Variants in IRAG1 observed in about 807,000 individuals in gnomAD.
IRAG1 encodes the protein IP3R-associated cGMP kinase substrate.
In IRAG1, 62 loss-of-function variants were observed where a neutral mutation model predicts 106.2. The observed-to-expected ratio is 0.58, with a 90% CI of 0.48 to 0.72. The LOEUF (loss-of-function observed/expected upper bound fraction) is 0.72. Among genes scored for constraint, IRAG1 ranks in the 30% least tolerant of loss-of-function variants. IRAG1 has a pLI of 0.00. For synonymous variants in IRAG1, 462 were observed against 443.9 expected (o/e 1.04, Z -0.51); for missense variants, 1,064 against 1,140.7 (o/e 0.93, Z 0.97).
chr11:10,595,339 T>C (rs1245326685), intron 15 of IRAG1, among the ~76,000 whole-genome samples: 2 of 152,212 alleles, frequency 1.3e-5, no homozygotes, highest in Admixed American at 1.3e-4. Context: ...TTATATTTTC[T>C]ATTTATTTTG....
chr11:10,594,246 C>T, intron 15 of IRAG1, 51 bp from the exon 16 acceptor site: 1 of 1,545,240 alleles, frequency 6.5e-7, no homozygotes, highest in Non-Finnish European at 8.8e-7. Flanking sequence ...TCAGGCTAGG[C>T]ACCAGCAGGA....
intron 1 of IRAG1, among the ~76,000 whole-genome samples, chr11:10,656,350 C>T (rs1024243433): frequency 6.6e-6 from 1 of 152,186 alleles, no homozygotes; most frequent in African/African-American, 2.4e-5. Context: ...CTAACTAGAA[C>T]CTGGCCCATT....
chr11:10,617,945 G>A (rs2134476892), intron 10 of IRAG1, among the ~76,000 whole-genome samples: 1 of 152,328 alleles, frequency 6.6e-6, no homozygotes, highest in South Asian at 2.1e-4. Flanking sequence ...CTGTCCAGAA[G>A]AATTATTCTA....
chr11:10,678,577 C>T (rs969928636), intron 1 of IRAG1, among the ~76,000 whole-genome samples: 5 of 152,186 alleles, frequency 3.3e-5, no homozygotes, highest in African/African-American at 9.7e-5. Flanking sequence ...CTGAGACTGA[C>T]CCCAGCCCAG....
At chr11:10,691,794 C>T (rs1484498600) in intron 1 of IRAG1, among the ~76,000 whole-genome samples, 1 of 152,106 alleles carries the variant, frequency 6.6e-6, no homozygotes, top group Non-Finnish European at 1.5e-5. Context: ...TGCACTCTGA[C>T]ATGGGGTCCC....
chr11:10,633,370 C>A (rs1037908421), intron 3 of IRAG1, among the ~76,000 whole-genome samples: 3 of 152,170 alleles, frequency 2.0e-5, no homozygotes, highest in East Asian at 1.9e-4. Context: ...CCACTGCGCC[C>A]GGCCGAGAAT....
At chr11:10,629,206 C>T (rs536298596) in intron 5 of IRAG1, among the ~76,000 whole-genome samples, 58 of 152,318 alleles carry the variant, frequency 3.8e-4, no homozygotes, top group Non-Finnish European at 6.6e-4. Context: ...CCTAAGTACA[C>T]TTACACACTT....
chr11:10,601,367 A>T (rs538553303), intron 14 of IRAG1, among the ~76,000 whole-genome samples: 163 of 152,322 alleles, frequency 1.1e-3, no homozygotes, highest in Non-Finnish European at 1.9e-3. Flanking sequence ...GTAGGATGTG[A>T]GCAGCATCTG....
intron 1 of IRAG1, among the ~76,000 whole-genome samples, chr11:10,682,812 C>T (rs1277320728): frequency 1.3e-5 from 2 of 152,102 alleles, no homozygotes; most frequent in Non-Finnish European, 2.9e-5. Context: ...TAGTAAGAAC[C>T]CCTATATATG....
chr11:10,682,945 C>A (rs916145133), intron 1 of IRAG1, among the ~76,000 whole-genome samples: 1 of 152,166 alleles, frequency 6.6e-6, no homozygotes, highest in African/African-American at 2.4e-5. Flanking sequence ...AGACCAGGAG[C>A]TTCTGGAACC....
At chr11:10,603,314 CCCCAACCTTT>C in intron 13 of IRAG1, 63 bp from the exon 14 acceptor site, 1 of 1,575,532 alleles carries the variant, frequency 6.3e-7, no homozygotes, top group Non-Finnish European at 8.7e-7. Context: ...AATCAGCAGT[CCCCAACCTTT>C]TCGGCCTCAG....
chr11:10,636,795 C>A (rs1400043303), intron 2 of IRAG1, among the ~76,000 whole-genome samples: 3 of 152,168 alleles, frequency 2.0e-5, no homozygotes, highest in Non-Finnish European at 2.9e-5. Flanking sequence ...TGAGCTAGGT[C>A]TTGAAGGATG....
intron 2 of IRAG1, among the ~76,000 whole-genome samples, chr11:10,634,564 T>TA (rs1296408762): frequency 6.6e-6 from 1 of 152,160 alleles, no homozygotes; most frequent in Admixed American, 6.5e-5. Context: ...CCACCCCCAG[T>TA]CACTGGCAAC....
chr11:10,652,088 G>A lies in IRAG1; in HGVS notation c.162C>T (p.Pro54=). ...GGGGCTCCTCGTCCTCGGGAATGTG[G>A]GGCATGGCAGCCTCCTGCTGGGAGT... ...RGHSQQEAAM[P]HIPEDEEPPG... is the part of the protein sequence containing the mutation. The change falls in exon 2 of 21, where the codon CCC becomes CCT. Residue 54 remains proline (P), a synonymous_variant. Coordinates refer to ENST00000423302, the MANE Select transcript of IRAG1 (RefSeq NM_130385.4). 1 of 1,605,780 alleles carries A rather than the reference G, an allele frequency of 6.2e-7. No homozygotes were observed. Among genetic ancestry groups the A allele is most frequent in the Non-Finnish European group, 8.5e-7 (1 of 1,176,616 alleles).
intron 10 of IRAG1, among the ~76,000 whole-genome samples, chr11:10,622,459 ATTT>A (rs1460956520): frequency 2.6e-5 from 4 of 152,142 alleles, no homozygotes; most frequent in African/African-American, 9.6e-5. Context: ...GTTACAAATT[ATTT>A]TCATGTACCT....
rs970952855 is a variant in IRAG1, at chr11:10,576,172, T to C, written c.*160A>G. On this transcript the variant is annotated 3_prime_UTR_variant, in exon 21 of 21. Transcript: ENST00000423302. ...TCCAAGAACATCAAGTCACTGTGTA[T>C]GAATAGCTCCCACAGAAGTGCCGAG... 6 of 894,026 alleles carry C rather than the reference T, an allele frequency of 6.7e-6. No individual in the cohort carries two copies. Among genetic ancestry groups the C allele is most frequent in the Non-Finnish European group, 8.3e-6 (5 of 599,222 alleles). The allele number at this position is 894,026 out of a possible 1,614,324, so 55.4% of individuals were successfully genotyped here.
chr11:10,579,611 G>T (rs960359594), intron 20 of IRAG1, among the ~76,000 whole-genome samples: 1 of 32,578 alleles, frequency 3.1e-5, no homozygotes, highest in Admixed American at 3.4e-4. Flanking sequence ...ATATCTGTGG[G>T]GTAGAGTAAC....
intron 2 of IRAG1, among the ~76,000 whole-genome samples, chr11:10,634,294 A>T (rs1856966256): frequency 6.6e-6 from 1 of 152,198 alleles, no homozygotes; most frequent in African/African-American, 2.4e-5. Context: ...ACCTTGATAC[A>T]ATGTTTTGAT....
chr11:10,582,989 C>A (rs548399886), intron 18 of IRAG1, among the ~76,000 whole-genome samples: 1 of 152,136 alleles, frequency 6.6e-6, no homozygotes, highest in South Asian at 2.1e-4. Flanking sequence ...GAAGAGAATG[C>A]GGGTTATGTA....
Sources: gnomAD v4.1 joint callset for allele counts (sites outside exome capture counted in the v4.1 genomes callset) on GRCh38, gnomAD v4.1.1 for gene constraint, MANE v1.5 for transcripts, NCBI Gene and HGNC (gene_info 2026-07-23, HGNC 2026-07-21) for gene names.